Variants in VWA8 observed in about 807,000 individuals in gnomAD.
VWA8 encodes von Willebrand factor A domain-containing protein 8.
A neutral mutation model predicts 241.5 loss-of-function variants in VWA8; 221 were observed. The ratio of observed to expected loss-of-function variants is 0.91; its 90% CI spans 0.82 to 1.02. The LOEUF (loss-of-function observed/expected upper bound fraction) is 1.02, where lower values mean the gene tolerates loss of function less well. Among genes scored for constraint, VWA8 ranks in the 50% least tolerant of loss-of-function variants. VWA8 has a pLI of 0.00. For missense variants in VWA8, 2,322 were observed against 2,328.7 expected (o/e 1.00, Z 0.06); for synonymous variants, 852 against 827.1 (o/e 1.03, Z -0.52).
intron 2 of VWA8, chr13:41,925,470 A>T (rs73185343): frequency 0.012 from 1,893 of 152,516 alleles, 13 homozygotes; most frequent in East Asian, 0.021. Context: ...GGAACATATA[A>T]TATAAAAAGA....
intron 40 of VWA8, 135 bp from the exon 41 acceptor site, chr13:41,590,900 T>A: frequency 8.9e-7 from 1 of 1,121,712 alleles, no homozygotes; most frequent in Non-Finnish European, 1.3e-6. Context: ...CACAGTCATA[T>A]AAATGAAGTG....
chr13:41,588,536 C>T (rs1257172881), intron 41 of VWA8, among the ~76,000 whole-genome samples: 1 of 152,040 alleles, frequency 6.6e-6, no homozygotes, highest in Non-Finnish European at 1.5e-5. Context: ...GCCTGGGCAA[C>T]ACAGCAAGAA....
chr13:41,692,047 T>A lies in VWA8; in HGVS notation c.3676-109A>T. 1.6e-5 allele frequency: 11 copies of A among 672,568 alleles called. No individual in the cohort carries two copies. The South Asian group carries it at 2.3e-4, about 14-fold the overall frequency. The allele number at this position is 672,568 out of a possible 1,614,324, so 41.7% of individuals were successfully genotyped here. A position where few individuals can be genotyped will look rare whatever the true frequency, so the allele number is the denominator to read the frequency against. ...ATAAAGTTCTTCAACTAGTAAAACA[T>A]GTAATTCTCAAACAAGCTATCTATT... On this transcript the variant is annotated intron_variant, in intron 30 of 44. Transcript: ENST00000379310.
intron 34 of VWA8, among the ~76,000 whole-genome samples, chr13:41,686,354 T>C (rs1319361548): frequency 6.6e-6 from 1 of 152,158 alleles, no homozygotes; most frequent in Non-Finnish European, 1.5e-5. Flanking sequence ...GTGTTTTTTT[T>C]ATTTTAGCCA....
Position 41,833,588 on chromosome 13 carries a change from G to A in VWA8, c.1426-57C>T, listed in dbSNP as rs1871579549. 8.7e-6 allele frequency: 13 copies of A among 1,502,288 alleles called. No individual in the cohort carries two copies. The South Asian group carries it at 1.8e-4, about 21-fold the overall frequency. The allele number at this position is 1,502,288 out of a possible 1,614,324, so 93.1% of individuals were successfully genotyped here. A position where few individuals can be genotyped will look rare whatever the true frequency, so the allele number is the denominator to read the frequency against. ...CATGACGAATTAATTTTTAAGACATGCAAGGTAGCTTACATGGCTTTATAG... is the reference window on the plus strand; with the variant it reads ...CATGACGAATTAATTTTTAAGACATACAAGGTAGCTTACATGGCTTTATAG... On this transcript the variant is annotated intron_variant, in intron 12 of 44. Coordinates refer to ENST00000379310, the MANE Select transcript of VWA8 (RefSeq NM_015058.2).
chr13:41,737,926 C>G (rs1438760707), intron 21 of VWA8, among the ~76,000 whole-genome samples: 1 of 151,864 alleles, frequency 6.6e-6, no homozygotes, highest in Non-Finnish European at 1.5e-5. Context: ...ATGACTACTG[C>G]AGTGTTGAAA....
At chr13:41,657,768 C>T (rs1308172227) in intron 37 of VWA8, among the ~76,000 whole-genome samples, 4 of 152,208 alleles carry the variant, frequency 2.6e-5, no homozygotes, top group Admixed American at 6.5e-5. Flanking sequence ...GGATTACAGG[C>T]GTGAGCCACC....
chr13:41,898,159 G>C (rs142089333), intron 4 of VWA8, among the ~76,000 whole-genome samples: 2 of 143,658 alleles, frequency 1.4e-5, no homozygotes, highest in Non-Finnish European at 3.0e-5. Context: ...ACTGAGTGCC[G>C]ATTGGTGTAT....
chr13:41,949,743 T>G (rs1878037403), intron 2 of VWA8, among the ~76,000 whole-genome samples, 193 bp downstream of exon 2: 1 of 152,144 alleles, frequency 6.6e-6, no homozygotes, highest in Admixed American at 6.5e-5. Flanking sequence ...AGTAATAGGA[T>G]GTCTGGGATA....
At chr13:41,666,913 C>T (rs1363705716) in intron 37 of VWA8, among the ~76,000 whole-genome samples, 1 of 152,010 alleles carries the variant, frequency 6.6e-6, no homozygotes, top group African/African-American at 2.4e-5. Flanking sequence ...CCTTTCTGGG[C>T]CAAGAAAGAT....
In VWA8 at chr13:41,949,988, T is replaced by C; in HGVS notation, c.189A>G (p.Val63=). The C allele has an allele frequency of 1.3e-6, 2 of 1,594,540 alleles. No homozygotes were observed. Among genetic ancestry groups the C allele is most frequent in the Non-Finnish European group, 1.7e-6 (2 of 1,167,848 alleles). The change falls in exon 2 of 45, where the codon GTA becomes GTG. Residue 63 remains valine (V), a synonymous_variant. Coordinates refer to ENST00000379310, the MANE Select transcript of VWA8 (RefSeq NM_015058.2). ...DTGDTVNIGD[V]SYKLKIPKNP... ...TCTTAGGAATTTTCAACTTGTAGGA[T>C]ACATCTCCAATATTAACTGTATCAC...
chr13:41,900,782 A>G (rs766943617), intron 4 of VWA8, among the ~76,000 whole-genome samples: 2 of 152,216 alleles, frequency 1.3e-5, no homozygotes, highest in African/African-American at 2.4e-5. Flanking sequence ...TAAAGCTTCA[A>G]ATTTACTCAA....
At chr13:41,704,280 G>A (rs2137830372) in intron 26 of VWA8, among the ~76,000 whole-genome samples, 1 of 152,284 alleles carries the variant, frequency 6.6e-6, no homozygotes, top group African/African-American at 2.4e-5. Context: ...CTGGCATCCA[G>A]AAGCACCTGT....
intron 22 of VWA8, among the ~76,000 whole-genome samples, chr13:41,731,092 A>T (rs9562346): frequency 0.061 from 9,264 of 151,650 alleles, 357 homozygotes; most frequent in East Asian, 0.11. Flanking sequence ...AACTGAATTT[A>T]AAAAAAGAAA....
At chr13:41,745,329 C>T (rs1054423589) in intron 21 of VWA8, among the ~76,000 whole-genome samples, 6 of 152,032 alleles carry the variant, frequency 3.9e-5, no homozygotes, top group African/African-American at 1.2e-4. Context: ...GTGATGTTCC[C>T]GGCTCTGTGT....
intron 21 of VWA8, among the ~76,000 whole-genome samples, chr13:41,747,734 T>G (rs574018336): frequency 6.6e-6 from 1 of 152,192 alleles, no homozygotes; most frequent in African/African-American, 2.4e-5. Flanking sequence ...GGCTGCGGGT[T>G]TGTCATAAAT....
intron 35 of VWA8, among the ~76,000 whole-genome samples, chr13:41,676,625 T>C (rs919559508): frequency 1.3e-5 from 2 of 152,038 alleles, no homozygotes; most frequent in African/African-American, 2.4e-5. Context: ...TGTTCTGCTG[T>C]TTTTGTTTGT....
intron 42 of VWA8, among the ~76,000 whole-genome samples, chr13:41,578,075 AC>A (rs1375406075): frequency 4.6e-5 from 7 of 152,230 alleles, no homozygotes; most frequent in African/African-American, 1.7e-4. Flanking sequence ...GAGAAAAAAA[AC>A]ATACTATACT....
In VWA8 at chr13:41,611,732, C is replaced by G. The variant is rs201318560; in HGVS notation, c.4721G>C (p.Gly1574Ala). 1.2e-4 allele frequency: 194 copies of G among 1,613,332 alleles called. No homozygotes were observed. In the East Asian group the frequency reaches 3.8e-3, roughly 32 times the overall value. ...ACCCAGGCCTGCCGTGTCTCTTCCC[C>G]CTGGAAGGAAAACGTGGAAATTCAG... ...VGGNTWAGGT[G>A]GRDTAGLGGK... The change falls in exon 39 of 45, where the codon GGG becomes GCG. Residue 1574 changes from glycine (G) to alanine (A), a missense_variant and splice_region_variant. Coordinates refer to ENST00000379310, the MANE Select transcript of VWA8 (RefSeq NM_015058.2).
Sources: allele counts gnomAD v4.1 joint callset (sites outside exome capture counted in the v4.1 genomes callset), GRCh38; gene constraint gnomAD v4.1.1; transcripts MANE v1.5; gene names NCBI Gene and HGNC (gene_info 2026-07-23, HGNC 2026-07-21).